The following RHBDD1 variants were observed in gnomAD, a reference collection of about 807,000 sequenced individuals.
The protein encoded by RHBDD1 is rhomboid-related protein 4.
A neutral mutation model predicts 36.3 loss-of-function variants in RHBDD1; 38 were observed. The ratio of observed to expected loss-of-function variants is 1.05; its 90% CI spans 0.81 to 1.37. The LOEUF (loss-of-function observed/expected upper bound fraction) is 1.37, where lower values mean the gene tolerates loss of function less well. Among genes scored for constraint, RHBDD1 ranks in the 40% most tolerant of loss-of-function variants. RHBDD1 has a pLI of 0.00. For synonymous variants in RHBDD1, 151 were observed against 136.5 expected, an observed-to-expected ratio of 1.11 and a Z score of -0.74; for missense variants, 393 against 377.6, an observed-to-expected ratio of 1.04 and a Z score of -0.34.
At chr2:226,941,159 G>A (rs1056633859) in intron 8 of RHBDD1, among the ~76,000 whole-genome samples, 1 of 152,108 alleles carries the variant, frequency 6.6e-6, no homozygotes, top group Non-Finnish European at 1.5e-5. Flanking sequence ...TAGTAGAGAT[G>A]GGGTTTCTGT....
intron 8 of RHBDD1, chr2:226,935,051 T>C (rs1203256152): frequency 2.0e-5 from 3 of 152,036 alleles, no homozygotes; most frequent in Non-Finnish European, 4.4e-5. Context: ...ACAATCACAC[T>C]TTGGCTGTCT....
At chr2:226,918,058 G>A (rs1194176049) in intron 8 of RHBDD1, among the ~76,000 whole-genome samples, 2 of 151,878 alleles carry the variant, frequency 1.3e-5, no homozygotes, top group Non-Finnish European at 2.9e-5. Flanking sequence ...CTCCTATTAG[G>A]AAAATAGAAA....
At chr2:226,975,513 C>T (rs1218002375) in intron 8 of RHBDD1, among the ~76,000 whole-genome samples, 3 of 152,140 alleles carry the variant, frequency 2.0e-5, no homozygotes, top group African/African-American at 7.2e-5. Context: ...CCTCGGGCCA[C>T]CCAGAAGCCA....
intron 5 of RHBDD1, among the ~76,000 whole-genome samples, chr2:226,904,540 A>G (rs928687594): frequency 6.6e-6 from 1 of 152,026 alleles, no homozygotes; most frequent in Non-Finnish European, 1.5e-5. Flanking sequence ...ACGCGCATGC[A>G]TGTGCCATGA....
the RHBDD1 span, among the ~76,000 whole-genome samples, chr2:226,826,771 C>T: frequency 5.9e-5 from 9 of 152,084 alleles, no homozygotes; most frequent in African/African-American, 7.2e-5. Flanking sequence ...CTGCCTGCCT[C>T]GGCCTCCCAC....
intron 8 of RHBDD1, among the ~76,000 whole-genome samples, 174 bp from the exon 9 acceptor site, chr2:226,995,257 T>C (rs1306240644): frequency 1.3e-5 from 2 of 152,224 alleles, no homozygotes; most frequent in Non-Finnish European, 2.9e-5. Context: ...AAATATTTAC[T>C]TGACGTTGAA....
intron 5 of RHBDD1, among the ~76,000 whole-genome samples, chr2:226,899,310 A>G (rs1947392151): frequency 3.9e-5 from 6 of 152,220 alleles, no homozygotes. Flanking sequence ...TTTTGCTCCA[A>G]AATTGCCTTT....
At chr2:226,940,390 T>G (rs967382997) in intron 8 of RHBDD1, among the ~76,000 whole-genome samples, 2 of 152,232 alleles carry the variant, frequency 1.3e-5, no homozygotes, top group African/African-American at 4.8e-5. Flanking sequence ...AGGCTTTGTC[T>G]TAATATTTAT....
intron 5 of RHBDD1, among the ~76,000 whole-genome samples, chr2:226,890,371 C>T (rs957771247): frequency 1.3e-5 from 2 of 152,190 alleles, no homozygotes; most frequent in South Asian, 2.1e-4. Context: ...TTATCTCCTG[C>T]ACATGAGGAA....
At chr2:226,899,359 T>C (rs1575013657) in intron 5 of RHBDD1, among the ~76,000 whole-genome samples, 1 of 152,222 alleles carries the variant, frequency 6.6e-6, no homozygotes, top group Non-Finnish European at 1.5e-5. Flanking sequence ...TATAGCAACA[T>C]TGATTTGATT....
At position 226,982,126 on chromosome 2, in the gene RHBDD1, G is replaced by A. The variant is rs555975340; in HGVS notation, c.857-13305G>A. On this transcript the variant is annotated intron_variant, in intron 8 of 8. Coordinates refer to ENST00000392062, the MANE Select transcript of RHBDD1 (RefSeq NM_001167608.3). ...CCAGCAAGCACACATCTGGCCACAGGCCTCACATGTGGTAGGGTTGGGCTG... is the reference window on the plus strand; with the variant it reads ...CCAGCAAGCACACATCTGGCCACAGACCTCACATGTGGTAGGGTTGGGCTG... 8.5e-5 allele frequency among the ~76,000 whole-genome samples: 13 copies of A among 152,338 alleles called. No homozygotes were observed. In the South Asian group the frequency reaches 1.9e-3, roughly 22 times the overall value.
intron 8 of RHBDD1, among the ~76,000 whole-genome samples, chr2:226,983,563 C>G (rs1237226115): frequency 6.6e-6 from 1 of 152,182 alleles, no homozygotes; most frequent in Non-Finnish European, 1.5e-5. Flanking sequence ...TGGTTGTTCT[C>G]AGCAGAAGTT....
chr2:226,947,017 G>A (rs1367314709), intron 8 of RHBDD1, among the ~76,000 whole-genome samples: 1 of 152,166 alleles, frequency 6.6e-6, no homozygotes, highest in Non-Finnish European at 1.5e-5. Flanking sequence ...ATAAAATTCA[G>A]CATCCCTTCA....
chr2:226,911,253 A>G (rs1948493934), intron 7 of RHBDD1, among the ~76,000 whole-genome samples: 1 of 152,128 alleles, frequency 6.6e-6, no homozygotes, highest in Non-Finnish European at 1.5e-5. Flanking sequence ...ATAGGTAGAA[A>G]TGCTGCGTAG....
the RHBDD1 span, among the ~76,000 whole-genome samples, chr2:226,813,670 GAATAGT>G: frequency 2.6e-5 from 4 of 152,198 alleles, no homozygotes; most frequent in South Asian, 2.1e-4. Context: ...AATAAGATAG[GAATAGT>G]AATAGTATCA....
In RHBDD1 at chr2:226,864,571, T is replaced by C. The variant is rs1944158774; in HGVS notation, c.-90-33T>C. On this transcript the variant is annotated intron_variant, in intron 3 of 8. Coordinates refer to ENST00000392062, the MANE Select transcript of RHBDD1 (RefSeq NM_001167608.3). ...GTCTTATATATGTACTAATTCTTAA[T>C]TGATGGTTTTTCACATGCATTTTGT... The C allele has an allele frequency of 1.0e-5, 8 of 767,870 alleles. No homozygotes were observed. In the East Asian group the frequency reaches 2.0e-4, roughly 19 times the overall value. The allele number at this position is 767,870 out of a possible 1,614,324, so 47.6% of individuals were successfully genotyped here.
the RHBDD1 span, among the ~76,000 whole-genome samples, chr2:226,801,267 G>A: frequency 3.3e-5 from 5 of 152,310 alleles, 1 homozygote; most frequent in South Asian, 1.0e-3. Context: ...CGAGTTTCCC[G>A]GGGAGGCCTG....
At chr2:226,850,701 T>G (rs1244710869) in intron 3 of RHBDD1, among the ~76,000 whole-genome samples, 1 of 152,330 alleles carries the variant, frequency 6.6e-6, no homozygotes, top group Non-Finnish European at 1.5e-5. Flanking sequence ...GAGTGATTTT[T>G]AAGAGGCTCT....
At chr2:226,926,105 T>G (rs1441106641) in intron 8 of RHBDD1, among the ~76,000 whole-genome samples, 2 of 151,818 alleles carry the variant, frequency 1.3e-5, no homozygotes, top group Non-Finnish European at 2.9e-5. Context: ...ATTGGCCAGG[T>G]GCAATGGCTC....
Sources: allele counts gnomAD v4.1 joint callset (sites outside exome capture counted in the v4.1 genomes callset), GRCh38; gene constraint gnomAD v4.1.1; transcripts MANE v1.5; gene names NCBI Gene and HGNC (gene_info 2026-07-23, HGNC 2026-07-21).